Variants in SNX8 observed in about 807,000 individuals in gnomAD.
SNX8 encodes sorting nexin-8.
Under a neutral mutation model 51.6 loss-of-function variants are expected in SNX8, and 25 were observed. The ratio of observed to expected loss-of-function variants is 0.48; its 90% CI spans 0.35 to 0.68. SNX8 has a LOEUF of 0.68. Among genes scored for constraint, SNX8 ranks in the 30% least tolerant of loss-of-function variants. The probability of loss-of-function intolerance (pLI) is 0.00; values close to 1 mark genes in which losing one functional copy is unlikely to be tolerated. For synonymous variants in SNX8, 324 were observed against 277.0 expected (o/e 1.17, Z -1.68); for missense variants, 695 against 624.0 (o/e 1.11, Z -1.21).
At chr7:2,291,161 G>A (rs774071709) in intron 1 of SNX8, among the ~76,000 whole-genome samples, 2 of 152,212 alleles carry the variant, frequency 1.3e-5, no homozygotes, top group African/African-American at 4.8e-5. Flanking sequence ...CCAGTCAGGC[G>A]TGGTGGTGTG....
At chr7:2,353,659 C>A (rs1779218791) in intron 1 of SNX8, among the ~76,000 whole-genome samples, 1 of 152,106 alleles carries the variant, frequency 6.6e-6, no homozygotes, top group African/African-American at 2.4e-5. Flanking sequence ...TCACCACCGT[C>A]ATCTCCAAAA....
chr7:2,308,048 C>CGTGTGT (rs368273920), intron 1 of SNX8: 1 of 150,684 alleles, frequency 6.6e-6, no homozygotes, highest in Non-Finnish European at 1.5e-5. Flanking sequence ...TGTATGTGTG[C>CGTGTGT]GTGTGTGTGT....
At position 2,337,847 on chromosome 7, in the gene SNX8, T is replaced by C. The variant is rs1490488542; in HGVS notation, c.-66+16375A>G. Among the ~76,000 whole-genome samples the C allele has an allele frequency of 3.6e-5, 4 of 112,624 alleles. No homozygotes were observed. In the East Asian group the frequency reaches 1.0e-3, roughly 28 times the overall value. The allele number at this position is 112,624 out of a possible 152,430, so 73.9% of individuals were successfully genotyped here. A position where few individuals can be genotyped will look rare whatever the true frequency, so the allele number is the denominator to read the frequency against. On this transcript the variant is annotated intron_variant, in intron 1 of 5. Coordinates refer to the SNX8 transcript ENST00000435336. Reference sequence around the variant, plus strand: ...ACTTCCTCAAGCAAATAAAAGGATATCTTGTAAAAAAAAAAAAAAGGGAAA... The same window carrying C: ...ACTTCCTCAAGCAAATAAAAGGATACCTTGTAAAAAAAAAAAAAAGGGAAA...
chr7:2,276,809 G>A (rs1029050643), intron 2 of SNX8, among the ~76,000 whole-genome samples: 12 of 152,196 alleles, frequency 7.9e-5, no homozygotes, highest in African/African-American at 2.7e-4. Flanking sequence ...GCCTGGTGTG[G>A]TGGCATCCGC....
At position 2,314,220 on chromosome 7, in the gene SNX8, G is replaced by A. The variant is rs142793909; in HGVS notation, c.94+108C>T. 1,945 of 1,125,700 alleles carry A rather than the reference G, an allele frequency of 1.7e-3. 33 individuals are homozygous for A. In the African/African-American group the frequency reaches 0.029, roughly 17 times the overall value. 69.7% of individuals were successfully genotyped at this position (1,125,700 alleles called of 1,614,324 possible). On this transcript the variant is annotated intron_variant, in intron 1 of 10. Transcript: ENST00000222990. Reference sequence around the variant, plus strand: ...CGTGGGGCCGAACGCGGGGCGCGGGGGCAGGAAACGAGTCGGGGACCAAGC... The same window carrying A: ...CGTGGGGCCGAACGCGGGGCGCGGGAGCAGGAAACGAGTCGGGGACCAAGC...
At chr7:2,313,012 C>T (rs1318696617) in intron 1 of SNX8, among the ~76,000 whole-genome samples, 1 of 152,124 alleles carries the variant, frequency 6.6e-6, no homozygotes, top group African/African-American at 2.4e-5. Flanking sequence ...ATTCTCCTGC[C>T]TCAGCCTCCC....
chr7:2,296,871 A>G (rs1048771876), intron 1 of SNX8, among the ~76,000 whole-genome samples: 2 of 151,964 alleles, frequency 1.3e-5, no homozygotes, highest in African/African-American at 4.8e-5. Context: ...CAGAGGTTGC[A>G]GTGAGCTGAG....
chr7:2,321,390 T>C (rs1584738613), intron 1 of SNX8, among the ~76,000 whole-genome samples: 1 of 152,118 alleles, frequency 6.6e-6, no homozygotes, highest in South Asian at 2.1e-4. Context: ...ATACTATTCC[T>C]GCGTATTCAG....
At chr7:2,281,645 C>T (rs1795908540) in intron 1 of SNX8, among the ~76,000 whole-genome samples, 1 of 152,124 alleles carries the variant, frequency 6.6e-6, no homozygotes, top group African/African-American at 2.4e-5. Flanking sequence ...ACACCCTAAA[C>T]TAACCCAGTC....
chr7:2,331,184 C>CAAAAAAAA (rs71023397), intron 1 of SNX8, among the ~76,000 whole-genome samples: 4 of 76,564 alleles, frequency 5.2e-5, no homozygotes, highest in African/African-American at 1.1e-4. Context: ...GACTCTGTCT[C>CAAAAAAAA]AAAAAAAAAA....
At chr7:2,309,641 G>GA (rs1796620726) in intron 1 of SNX8, among the ~76,000 whole-genome samples, 1 of 152,142 alleles carries the variant, frequency 6.6e-6, no homozygotes, top group South Asian at 2.1e-4. Flanking sequence ...TGAGGCAAGA[G>GA]AATTGCTTGA....
chr7:2,280,837 G>T (rs1329789126), intron 1 of SNX8, among the ~76,000 whole-genome samples: 1 of 144,402 alleles, frequency 6.9e-6, no homozygotes, highest in East Asian at 2.0e-4. Flanking sequence ...CTGTTGCCCA[G>T]GCTGGAGTGC....
chr7:2,339,656 G>A (rs952515814), intron 1 of SNX8, among the ~76,000 whole-genome samples: 2 of 151,806 alleles, frequency 1.3e-5, no homozygotes, highest in Non-Finnish European at 2.9e-5. Flanking sequence ...ATTACCAAGC[G>A]AATTCTAAAT....
chr7:2,302,536 G>A (rs1344880465), intron 1 of SNX8, among the ~76,000 whole-genome samples: 2 of 152,206 alleles, frequency 1.3e-5, no homozygotes, highest in Non-Finnish European at 2.9e-5. Context: ...CGTCTGGGAA[G>A]TGAGGAGCGT....
intron 2 of SNX8, among the ~76,000 whole-genome samples, chr7:2,275,711 A>T (rs1459880338): frequency 1.4e-5 from 2 of 146,172 alleles, no homozygotes; most frequent in Admixed American, 6.8e-5. Flanking sequence ...TAAAAAAATT[A>T]AAAAAGGCCG....
intron 1 of SNX8, among the ~76,000 whole-genome samples, chr7:2,280,524 T>C (rs1255973369): frequency 6.6e-6 from 1 of 152,088 alleles, no homozygotes; most frequent in East Asian, 1.9e-4. Flanking sequence ...TAAGCATGTA[T>C]TAATTTTTAT....
At chr7:2,281,739 C>T (rs921384871) in intron 1 of SNX8, among the ~76,000 whole-genome samples, 1 of 152,164 alleles carries the variant, frequency 6.6e-6, no homozygotes, top group Non-Finnish European at 1.5e-5. Context: ...GGATCTGGCT[C>T]AGAGAGATCC....
chr7:2,264,959 C>T (rs969323237), intron 5 of SNX8, among the ~76,000 whole-genome samples: 8 of 152,228 alleles, frequency 5.3e-5, no homozygotes, highest in Admixed American at 3.9e-4. Context: ...TGCTTGAATC[C>T]GGGAGGCAGA....
chr7:2,303,330 T>C (rs1584722292), intron 1 of SNX8, among the ~76,000 whole-genome samples: 1 of 130,026 alleles, frequency 7.7e-6, no homozygotes, highest in East Asian at 2.3e-4. Flanking sequence ...GGGAGGGAGG[T>C]GGAGGGGTCA....
Sources: gnomAD v4.1 joint callset for allele counts (sites outside exome capture counted in the v4.1 genomes callset) on GRCh38, gnomAD v4.1.1 for gene constraint, MANE v1.5 for transcripts, NCBI Gene and HGNC (gene_info 2026-07-23, HGNC 2026-07-21) for gene names.